ASCC3: variants seen among roughly 807,000 people sequenced by gnomAD.
ASCC3 encodes ASC-1 complex subunit P200.
In ASCC3, 158 loss-of-function variants were observed where a neutral mutation model predicts 256.3. That is an observed-to-expected ratio of 0.62 (90% CI 0.54 to 0.70). The LOEUF (loss-of-function observed/expected upper bound fraction) is 0.70, where lower values mean the gene tolerates loss of function less well. Among genes scored for constraint, ASCC3 ranks in the 30% least tolerant of loss-of-function variants. The pLI is 0.00. For missense variants in ASCC3, 2,259 were observed against 2,626.0 expected, an observed-to-expected ratio of 0.86 and a Z score of 3.05; for synonymous variants, 948 against 883.4, an observed-to-expected ratio of 1.07 and a Z score of -1.30.
chr6:100,607,696 A>C (rs969525145), intron 30 of ASCC3, among the ~76,000 whole-genome samples: 1 of 151,738 alleles, frequency 6.6e-6, no homozygotes, highest in African/African-American at 2.4e-5. Context: ...CCTATATGTA[A>C]ATTTAGTAAT....
At chr6:100,711,960 C>A (rs1005464279) in intron 13 of ASCC3, among the ~76,000 whole-genome samples, 14 of 152,142 alleles carry the variant, frequency 9.2e-5, no homozygotes, top group African/African-American at 3.4e-4. Flanking sequence ...GAACAGAGAT[C>A]CCAGAAATAG....
chr6:100,512,593 T>C (rs1365271708), intron 40 of ASCC3, 116 bp downstream of exon 40: 3 of 1,102,324 alleles, frequency 2.7e-6, no homozygotes, highest in Admixed American at 1.8e-5. Flanking sequence ...TTAAGACCAG[T>C]TGAGAAAGCA....
chr6:100,802,529 T>A (rs1247098238), intron 5 of ASCC3, among the ~76,000 whole-genome samples: 1 of 152,152 alleles, frequency 6.6e-6, no homozygotes, highest in African/African-American at 2.4e-5. Context: ...GGTATTTCTT[T>A]ATAGCAATGT....
intron 34 of ASCC3, among the ~76,000 whole-genome samples, chr6:100,591,989 T>C (rs1772020114): frequency 6.6e-6 from 1 of 151,960 alleles, no homozygotes; most frequent in Non-Finnish European, 1.5e-5. Context: ...TTTTGTTTAC[T>C]GTATTTACAA....
chr6:100,720,988 ATT>A (rs1333759304), intron 11 of ASCC3, among the ~76,000 whole-genome samples: 1 of 149,526 alleles, frequency 6.7e-6, no homozygotes, highest in Non-Finnish European at 1.5e-5. Flanking sequence ...TAAATAAAAA[ATT>A]ATATATTTAT....
At chr6:100,638,005 C>G (rs952245096) in intron 25 of ASCC3, among the ~76,000 whole-genome samples, 10 of 152,110 alleles carry the variant, frequency 6.6e-5, no homozygotes, top group African/African-American at 2.4e-4. Flanking sequence ...AGAGGGTTGA[C>G]TCATTTTGAA....
chr6:100,764,060 G>A (rs1427636514), intron 10 of ASCC3, among the ~76,000 whole-genome samples: 2 of 152,184 alleles, frequency 1.3e-5, no homozygotes, highest in Non-Finnish European at 2.9e-5. Context: ...ATTTAGCATA[G>A]TGACTAACTC....
chr6:100,543,236 A>G (rs905643162), intron 36 of ASCC3, among the ~76,000 whole-genome samples: 1 of 152,158 alleles, frequency 6.6e-6, no homozygotes, highest in Non-Finnish European at 1.5e-5. Context: ...CGTAAATGCT[A>G]TGTACATAGT....
At chr6:100,524,895 C>T (rs192935616) in intron 37 of ASCC3, among the ~76,000 whole-genome samples, 44 of 151,582 alleles carry the variant, frequency 2.9e-4, no homozygotes, top group African/African-American at 9.9e-4. Flanking sequence ...AATAAACATA[C>T]GAAAATAAGA....
chr6:100,767,670 G>A (rs1011739806), intron 8 of ASCC3, among the ~76,000 whole-genome samples: 7 of 151,862 alleles, frequency 4.6e-5, no homozygotes, highest in South Asian at 2.1e-4. Flanking sequence ...GTGCACTGGC[G>A]TGATCTCGGC....
intron 34 of ASCC3, among the ~76,000 whole-genome samples, chr6:100,594,197 AT>A (rs1237827931): frequency 1.8e-4 from 27 of 152,214 alleles, no homozygotes; most frequent in Admixed American, 1.1e-3. Context: ...ATATAACTAT[AT>A]TATAAAAATG....
At chr6:100,551,108 T>C (rs182745602) in intron 36 of ASCC3, among the ~76,000 whole-genome samples, 13 of 151,980 alleles carry the variant, frequency 8.6e-5, no homozygotes, top group Non-Finnish European at 1.6e-4. Flanking sequence ...CTTAATTTCT[T>C]TGCAAAAAAC....
intron 36 of ASCC3, among the ~76,000 whole-genome samples, chr6:100,567,115 A>T (rs1770301813): frequency 6.6e-6 from 1 of 152,060 alleles, no homozygotes; most frequent in Non-Finnish European, 1.5e-5. Context: ...TTTTAAATAT[A>T]TAATTTACTT....
At chr6:100,596,469 C>G (rs1772304979) in intron 34 of ASCC3, among the ~76,000 whole-genome samples, 1 of 152,082 alleles carries the variant, frequency 6.6e-6, no homozygotes, top group Non-Finnish European at 1.5e-5. Context: ...CTTTACATAT[C>G]TGATGTTATT....
intron 10 of ASCC3, among the ~76,000 whole-genome samples, chr6:100,751,675 T>C (rs774126282): frequency 1.1e-4 from 17 of 152,146 alleles, no homozygotes; most frequent in Non-Finnish European, 1.3e-4. Context: ...CAAGACCGCA[T>C]TGTAAACATT....
At chr6:100,545,581 C>G (rs916619026) in intron 36 of ASCC3, among the ~76,000 whole-genome samples, 1 of 151,960 alleles carries the variant, frequency 6.6e-6, no homozygotes, top group Non-Finnish European at 1.5e-5. Flanking sequence ...TTCACCACTA[C>G]TACTAATTAT....
intron 34 of ASCC3, among the ~76,000 whole-genome samples, chr6:100,595,044 G>T (rs964174459): frequency 5.3e-5 from 8 of 152,050 alleles, no homozygotes; most frequent in African/African-American, 1.9e-4. Context: ...CAGAGGCCAT[G>T]AGGGTTGGGA....
chr6:100,711,828 T>C (rs1778867609), intron 13 of ASCC3, among the ~76,000 whole-genome samples: 1 of 152,224 alleles, frequency 6.6e-6, no homozygotes, highest in Non-Finnish European at 1.5e-5. Context: ...CAAAATGTTA[T>C]TAATTCACAG....
At chr6:100,530,629 C>A (rs1035744341) in intron 37 of ASCC3, 11 of 808,124 alleles carry the variant, frequency 1.4e-5, no homozygotes, top group Non-Finnish European at 2.5e-5. Flanking sequence ...TGTGAGTTCT[C>A]CAAACAGGAG....
Sources: gnomAD v4.1 joint callset for allele counts (sites outside exome capture counted in the v4.1 genomes callset) on GRCh38, gnomAD v4.1.1 for gene constraint, MANE v1.5 for transcripts, NCBI Gene and HGNC (gene_info 2026-07-23, HGNC 2026-07-21) for gene names.